Variants in MAP2K3 observed in about 807,000 individuals in gnomAD.
MAP2K3 encodes the protein dual specificity mitogen-activated protein kinase kinase 3.
A neutral mutation model predicts 46.4 loss-of-function variants in MAP2K3; 30 were observed. The ratio of observed to expected loss-of-function variants is 0.65; its 90% confidence interval spans 0.48 to 0.88. The LOEUF (loss-of-function observed/expected upper bound fraction) is 0.88. Among genes scored for constraint, MAP2K3 ranks in the 40% least tolerant of loss-of-function variants. MAP2K3 has a pLI of 0.00. For missense variants in MAP2K3, 380 were observed against 464.5 expected (o/e 0.82, Z 1.67); for synonymous variants, 189 against 176.3 (o/e 1.07, Z -0.57).
Position 21,298,460 on chromosome 17 carries a change from C to T in MAP2K3, c.97C>T (p.Pro33Ser). 1 of 1,614,316 alleles carries T rather than the reference C, an allele frequency of 6.2e-7. No individual in the cohort carries two copies. The highest frequency in any genetic ancestry group is 8.5e-7 in the Non-Finnish European group (1 of 1,180,058). The change falls in exon 2 of 12, where the codon CCA becomes TCA. Residue 33 changes from proline (P) to serine (S), a missense_variant. Physicochemically the swap from Pro to Ser is moderately conservative, Grantham distance 74. This residue lies in a region of MAP2K3 where 294 missense variants were observed against 275.4 expected (regional missense o/e 1.07). Coordinates refer to ENST00000342679, the MANE Select transcript of MAP2K3 (RefSeq NM_145109.3). ...TCTACGGATATCCTGCATGTCCAAGCCACCCGCACCCAACCCCACGTGAGT... is the reference window on the plus strand; with the variant it reads ...TCTACGGATATCCTGCATGTCCAAGTCACCCGCACCCAACCCCACGTGAGT... Reference protein sequence around the residue: ...KDLRISCMSKPPAPNPTPPRN... With the variant: ...KDLRISCMSKSPAPNPTPPRN...
At chr17:21,291,401 GA>G (rs1443266090) in intron 1 of MAP2K3, 20 of 435,992 alleles carry the variant, frequency 4.6e-5, no homozygotes, top group Non-Finnish European at 7.3e-5. Context: ...GTGAAGCACA[GA>G]TGGCGTTTGT....
In MAP2K3 at chr17:21,308,324, T is replaced by C. The variant is rs1209707820; in HGVS notation, c.774+3196T>C. On this transcript the variant is annotated intron_variant, in intron 9 of 11. Coordinates refer to ENST00000342679, the MANE Select transcript of MAP2K3 (RefSeq NM_145109.3). ...CACCATGCCCGGCTAATTTTTGTAT[T>C]TTTAGTAGAGACGGGGTTTTGCCAT... is the stretch of plus-strand genomic sequence containing the variant. 2.0e-5 allele frequency among the ~76,000 whole-genome samples: 3 copies of C among 152,276 alleles called. No homozygotes were observed. In the South Asian group the frequency reaches 6.2e-4, roughly 31 times the overall value.
intron 6 of MAP2K3, 80 bp from the exon 7 acceptor site, chr17:21,303,103 G>T (rs1385841776): frequency 1.3e-6 from 2 of 1,577,734 alleles, no homozygotes; most frequent in African/African-American, 1.4e-5. Flanking sequence ...ACATGGATGG[G>T]GTCTTACTGC....
chr17:21,296,013 A>C, intron 1 of MAP2K3: 1 of 1,279,966 alleles, frequency 7.8e-7, no homozygotes, highest in Non-Finnish European at 1.0e-6. Flanking sequence ...TGGTTACGAA[A>C]AGCCTGACAT....
At chr17:21,305,007 C>T in intron 8 of MAP2K3, 44 bp from the exon 9 acceptor site, 2 of 1,613,286 alleles carry the variant, frequency 1.2e-6, no homozygotes, top group Non-Finnish European at 8.5e-7. Flanking sequence ...GCCATGGGGG[C>T]TTACCTGGGG....
At chr17:21,287,830 T>C (rs977741216) in intron 1 of MAP2K3, among the ~76,000 whole-genome samples, 22 of 152,238 alleles carry the variant, frequency 1.4e-4, no homozygotes, top group African/African-American at 5.1e-4. Flanking sequence ...GCTTGGACTG[T>C]GGCTGTAGGA....
chr17:21,300,882 G>C lies in MAP2K3; in HGVS notation c.288G>C (p.Arg96=). ...GCAGTCCTTCCCTGCAGCGGATCCG[G>C]GCCACCGTGAACTCACAGGAGCAGA... ...SGTIMAVKRI[R]ATVNSQEQKR... Residue 96 remains arginine, a synonymous_variant, in exon 5 of 12, where the codon CGG becomes CGC. Transcript: ENST00000342679. 1 of 1,614,166 alleles carries C rather than the reference G, an allele frequency of 6.2e-7. No homozygotes were observed. The highest frequency in any genetic ancestry group is 1.1e-5 in the South Asian group (1 of 91,090).
chr17:21,304,642 C>T, intron 8 of MAP2K3, 89 bp downstream of exon 8: 2 of 1,576,534 alleles, frequency 1.3e-6, no homozygotes, highest in East Asian at 2.3e-5. Context: ...TACCCTCTGT[C>T]CGTAGGGGCA....
intron 3 of MAP2K3, among the ~76,000 whole-genome samples, chr17:21,299,681 CAAAAAAAA>C (rs68190120): frequency 7.5e-6 from 1 of 132,976 alleles, no homozygotes; most frequent in Admixed American, 7.7e-5. Context: ...GACCCCGTTT[CAAAAAAAA>C]AAAAAAAAAA....
intron 11 of MAP2K3, 90 bp downstream of exon 11, chr17:21,313,627 G>C: frequency 1.9e-6 from 2 of 1,047,984 alleles, no homozygotes; most frequent in Non-Finnish European, 2.9e-6. Flanking sequence ...CCTGCACACA[G>C]ATGGGTAGCT....
Position 21,312,304 on chromosome 17 carries a change from C to T in MAP2K3, c.914+23C>T, listed in dbSNP as rs375249695. On this transcript the variant is annotated intron_variant, in intron 10 of 11. Transcript: ENST00000342679. ...GTGGTGAGTCTTGGGTGCTGCTGAG[C>T]GCCTGCCACTGCCCCTCCCTGGCCA... The T allele has an allele frequency of 4.3e-4, 667 of 1,567,462 alleles. 1 individual carries two copies. Among genetic ancestry groups the T allele is most frequent in the Non-Finnish European group, 5.2e-4 (609 of 1,163,150 alleles).
Position 21,284,966 on chromosome 17 carries a change from A to G in MAP2K3, c.46A>G (p.Lys16Glu). 1 of 1,610,952 alleles carries G rather than the reference A, an allele frequency of 6.2e-7. No homozygotes were observed. The highest frequency in any genetic ancestry group is 8.5e-7 in the Non-Finnish European group (1 of 1,179,144). The stretch of plus-strand genomic sequence containing the variant: ...CCAGCCCGCCAGCATGCCCCAGTCC[A>G]AAGGTAGGCGCTCCCGGCCGGGACC... ...SSQPASMPQSKGKSKRKKDLR... is the reference protein window; with the variant it reads ...SSQPASMPQSEGKSKRKKDLR... The change falls in exon 1 of 12, where the codon AAA becomes GAA. Residue 16 changes from lysine to glutamate, a missense_variant. Lys to Glu is a moderately conservative substitution (Grantham distance 56). Around this residue, in one of 5 missense-constraint regions of MAP2K3, gnomAD observed 294 missense variants for 275.4 expected, o/e 1.07. Transcript: ENST00000342679.
chr17:21,285,180 G>A, intron 1 of MAP2K3: 1 of 948,404 alleles, frequency 1.1e-6, no homozygotes, highest in South Asian at 4.9e-5. Context: ...ACTGCACTCA[G>A]GCCCGAGATC....
chr17:21,298,253 C>T (rs907181626), intron 1 of MAP2K3, 160 bp from the exon 2 acceptor site: 2 of 1,063,354 alleles, frequency 1.9e-6, no homozygotes, highest in East Asian at 2.4e-5. Context: ...CTCCTTCCCC[C>T]TTTGAAGGCC....
intron 7 of MAP2K3, 100 bp from the exon 8 acceptor site, chr17:21,304,326 G>C (rs1976769017): frequency 2.5e-6 from 4 of 1,589,500 alleles, no homozygotes; most frequent in African/African-American, 1.3e-5. Context: ...GGGCACAGGA[G>C]GGGTCTTGGG....
At chr17:21,300,005 A>G (rs2144564708) in intron 3 of MAP2K3, among the ~76,000 whole-genome samples, 1 of 152,430 alleles carries the variant, frequency 6.6e-6, no homozygotes, top group South Asian at 2.1e-4. Flanking sequence ...CCCATTCCCT[A>G]GGCCTGTCCT....
At chr17:21,298,708 C>T (rs1976410812) in intron 2 of MAP2K3, among the ~76,000 whole-genome samples, 170 bp from the exon 3 acceptor site, 1 of 152,312 alleles carries the variant, frequency 6.6e-6, no homozygotes, top group Non-Finnish European at 1.5e-5. Context: ...AGGCCGTGCC[C>T]AGCTCAGTGT....
At chr17:21,314,071 G>C in intron 11 of MAP2K3, 76 bp from the exon 12 acceptor site, 1 of 1,150,356 alleles carries the variant, frequency 8.7e-7, no homozygotes, top group Non-Finnish European at 1.3e-6. Flanking sequence ...ACTTGGGCTG[G>C]AGCTGGTTGG....
chr17:21,297,456 G>T (rs1976321267), intron 1 of MAP2K3, among the ~76,000 whole-genome samples: 1 of 152,310 alleles, frequency 6.6e-6, no homozygotes, highest in African/African-American at 2.4e-5. Flanking sequence ...TGTCTGTACT[G>T]GGTGGTCTCC....
Sources: gnomAD v4.1 joint callset for allele counts (sites outside exome capture counted in the v4.1 genomes callset) on GRCh38, gnomAD v4.1.1 for gene constraint, gnomAD v4.1.1 regional missense constraint, MANE v1.5 for transcripts, NCBI Gene and HGNC (gene_info 2026-07-23, HGNC 2026-07-21) for gene names.